The following RGS3 variants were observed in gnomAD, a reference collection of about 807,000 sequenced individuals.
RGS3 encodes the protein regulator of G-protein signalling 3.
In RGS3, 80 loss-of-function variants were observed where a neutral mutation model predicts 132.6. The observed-to-expected ratio is 0.60, with a 90% confidence interval of 0.50 to 0.73. The LOEUF (loss-of-function observed/expected upper bound fraction) is 0.73. Among genes scored for constraint, RGS3 ranks in the 30% least tolerant of loss-of-function variants. The probability of loss-of-function intolerance (pLI) is 0.00; values close to 1 mark genes in which losing one functional copy is unlikely to be tolerated. For synonymous variants in RGS3, 598 were observed against 620.6 expected (o/e 0.96, Z 0.54); for missense variants, 1,382 against 1,530.8 (o/e 0.90, Z 1.62).
At chr9:113,497,009 G>C (rs572060384) in intron 8 of RGS3, among the ~76,000 whole-genome samples, 1 of 152,292 alleles carries the variant, frequency 6.6e-6, no homozygotes, top group East Asian at 1.9e-4. Flanking sequence ...CTGTATACCA[G>C]GCATAGTGTG....
intron 20 of RGS3, chr9:113,589,988 C>T (rs749090590): frequency 2.6e-5 from 4 of 152,120 alleles, no homozygotes; most frequent in East Asian, 1.9e-4. Flanking sequence ...TCTGTGTGCA[C>T]GTACACACAT....
At chr9:113,516,588 A>T (rs1052080802) in intron 15 of RGS3, among the ~76,000 whole-genome samples, 2 of 151,948 alleles carry the variant, frequency 1.3e-5, no homozygotes, top group Admixed American at 1.3e-4. Context: ...CGAACTCCTG[A>T]CCTCAGGTGA....
intron 19 of RGS3, chr9:113,541,272 C>CGGCCTGAG: frequency 6.3e-7 from 1 of 1,589,524 alleles, no homozygotes; most frequent in Non-Finnish European, 8.6e-7. Flanking sequence ...TCAGGCAGCC[C>CGGCCTGAG]GGCCTGAGTA....
intron 10 of RGS3, 84 bp downstream of exon 8, chr9:113,498,164 G>A (rs1436367011): frequency 6.6e-6 from 8 of 1,213,460 alleles, no homozygotes; most frequent in Non-Finnish European, 9.7e-6. Flanking sequence ...CCCTAAAGGG[G>A]CAGCATTTGG....
At chr9:113,476,937 A>C (rs1830010323) in intron 3 of RGS3, among the ~76,000 whole-genome samples, 1 of 152,174 alleles carries the variant, frequency 6.6e-6, no homozygotes, top group Non-Finnish European at 1.5e-5. Context: ...TTGCACAGGT[A>C]GTAGTTTCAG....
chr9:113,536,917 AG>A lies in RGS3; in HGVS notation c.2037+1del. On this transcript the variant is annotated frameshift_variant and splice_region_variant, in exon 19 of 25. Coordinates refer to ENST00000350696, the Ensembl canonical transcript of RGS3. LOFTEE classifies it high-confidence loss of function. The stretch of plus-strand genomic sequence containing the variant: ...CTGGCAGCATCACCCCCGGACAGCA[AG>A]GTAAGGGCCTTGACAGTGGCTGTGG... 1 of 1,613,892 alleles carries A rather than the reference AG, an allele frequency of 6.2e-7. No homozygotes were observed. Among genetic ancestry groups the A allele is most frequent in the Non-Finnish European group, 8.5e-7 (1 of 1,179,934 alleles).
At chr9:113,534,131 G>C (rs1408708809) in intron 18 of RGS3, among the ~76,000 whole-genome samples, 1 of 152,236 alleles carries the variant, frequency 6.6e-6, no homozygotes, top group Non-Finnish European at 1.5e-5. Context: ...ATGCAGGGTA[G>C]AAGAAGTCCC....
At chr9:113,505,285 G>C (rs887700022) in intron 10 of RGS3, 157 bp from the exon 9 acceptor site, 1 of 643,800 alleles carries the variant, frequency 1.6e-6, no homozygotes, top group African/African-American at 1.8e-5. Flanking sequence ...TCTGGGCTGA[G>C]ATAGGGACAC....
intron 10 of RGS3, chr9:113,503,458 C>T (rs990607781): frequency 2.0e-5 from 3 of 152,514 alleles, no homozygotes; most frequent in Non-Finnish European, 4.4e-5. Context: ...CCTTCACACT[C>T]CCATCTGGCT....
Position 113,549,436 on chromosome 9 carries a change from T to C in RGS3, c.2037+12518T>C, listed in dbSNP as rs1461489724. 2.6e-5 allele frequency among the ~76,000 whole-genome samples: 4 copies of C among 152,124 alleles called. No homozygotes were observed. In the East Asian group the frequency reaches 7.7e-4, roughly 29 times the overall value. On this transcript the variant is annotated intron_variant, in intron 19 of 24. Transcript: ENST00000350696. Reference sequence around the variant, plus strand: ...ATGAGGCATGGGAAGGTGTTTTTTTTCTTTGTTTGTTTGTTTGTTTGAATG... The same window carrying C: ...ATGAGGCATGGGAAGGTGTTTTTTTCCTTTGTTTGTTTGTTTGTTTGAATG...
chr9:113,449,580 A>T (rs1363814991), intron 1 of RGS3, among the ~76,000 whole-genome samples: 1 of 152,102 alleles, frequency 6.6e-6, no homozygotes, highest in African/African-American at 2.4e-5. Flanking sequence ...GGAGTGTGAG[A>T]TGGGGAAGGT....
chr9:113,519,700 G>A (rs1410757625), intron 16 of RGS3, among the ~76,000 whole-genome samples: 1 of 151,814 alleles, frequency 6.6e-6, no homozygotes, highest in Non-Finnish European at 1.5e-5. Context: ...TACTGGGAAG[G>A]GCTAAATTGT....
At chr9:113,573,048 G>C (rs1298335369) in intron 19 of RGS3, among the ~76,000 whole-genome samples, 2 of 152,200 alleles carry the variant, frequency 1.3e-5, no homozygotes, top group African/African-American at 4.8e-5. Flanking sequence ...CACTTACTAG[G>C]TGCCAGGCCC....
intron 20 of RGS3, 143 bp downstream of exon 18, chr9:113,584,570 A>C (rs1348363267): frequency 1.1e-6 from 1 of 938,814 alleles, no homozygotes; most frequent in Non-Finnish European, 1.5e-6. Context: ...GTTGGACAGA[A>C]GATAAAACTG....
intron 17 of RGS3, among the ~76,000 whole-genome samples, chr9:113,525,640 C>G (rs1234725552): frequency 6.6e-6 from 1 of 152,198 alleles, no homozygotes. Flanking sequence ...AGATGGCAAA[C>G]AAGGAATGCA....
At position 113,495,576 on chromosome 9, in the gene RGS3, ACT is replaced by A. The variant is rs530955924; in HGVS notation, c.690-207_690-206del. Among the ~76,000 whole-genome samples the A allele has an allele frequency of 6.6e-5, 10 of 152,214 alleles. No homozygotes were observed. The East Asian group carries it at 1.9e-3, about 29-fold the overall frequency. On this transcript the variant is annotated intron_variant, in intron 7 of 24. Transcript: ENST00000350696. ...TCCTGTGACCTTGGGAAAGGGACCA[ACT>A]CTGAGTCTCCATTTTTCCCTCTGTA...
At chr9:113,545,627 T>C (rs1405676350) in intron 19 of RGS3, among the ~76,000 whole-genome samples, 2 of 152,082 alleles carry the variant, frequency 1.3e-5, no homozygotes, top group Non-Finnish European at 2.9e-5. Flanking sequence ...TCGCCTTCTC[T>C]TCCTCGAAGA....
At chr9:113,574,914 C>G (rs961735851) in intron 19 of RGS3, among the ~76,000 whole-genome samples, 2 of 152,158 alleles carry the variant, frequency 1.3e-5, no homozygotes, top group Non-Finnish European at 2.9e-5. Context: ...TAGGAACCCC[C>G]CTGCTCTCAA....
chr9:113,580,056 C>A lies in RGS3; in HGVS notation c.2038-3394C>A, dbSNP rs555487803. Among the ~76,000 whole-genome samples the A allele has an allele frequency of 1.5e-3, 227 of 152,344 alleles. 5 individuals carry two copies. The highest frequency in any genetic ancestry group is 4.9e-4 in the Non-Finnish European group (33 of 68,036). The stretch of plus-strand genomic sequence containing the variant: ...TAATTGCTCCGGAGCTCCCGTCAAA[C>A]CACTTCCCACCCCAGCTCTCCCAAG... On this transcript the variant is annotated intron_variant, in intron 19 of 24. Transcript: ENST00000350696.
Sources: allele counts gnomAD v4.1 joint callset (sites outside exome capture counted in the v4.1 genomes callset), GRCh38; gene constraint gnomAD v4.1.1; transcripts MANE v1.5; gene names NCBI Gene and HGNC (gene_info 2026-07-23, HGNC 2026-07-21).